PIP4K2A: variants seen among roughly 807,000 people sequenced by gnomAD.
The protein encoded by PIP4K2A is phosphatidylinositol 5-phosphate 4-kinase type-2 alpha.
In PIP4K2A, 14 loss-of-function variants were observed where a neutral mutation model predicts 42.9. The ratio of observed to expected loss-of-function variants is 0.33; its 90% CI spans 0.22 to 0.51. The LOEUF (loss-of-function observed/expected upper bound fraction) is 0.51, where lower values mean the gene tolerates loss of function less well. Ranked by LOEUF, PIP4K2A falls within the 20% of genes least tolerant of loss-of-function variation. The pLI is 0.97. For missense variants in PIP4K2A, 434 were observed against 519.8 expected, an observed-to-expected ratio of 0.83 and a Z score of 1.61; for synonymous variants, 192 against 192.2, an observed-to-expected ratio of 1.00 and a Z score of 0.01.
At chr10:22,629,867 G>A (rs1446836261) in intron 1 of PIP4K2A, among the ~76,000 whole-genome samples, 4 of 152,130 alleles carry the variant, frequency 2.6e-5, no homozygotes, top group African/African-American at 2.4e-5. Flanking sequence ...GAGTGAGCAG[G>A]GGAGCCCTCC....
At chr10:22,685,911 GTAATT>G (rs1183706378) in intron 1 of PIP4K2A, among the ~76,000 whole-genome samples, 1 of 152,140 alleles carries the variant, frequency 6.6e-6, no homozygotes, top group Non-Finnish European at 1.5e-5. Flanking sequence ...TTTGTTGTTT[GTAATT>G]TAATAACAAT....
At chr10:22,647,281 G>A (rs1838903916) in intron 1 of PIP4K2A, among the ~76,000 whole-genome samples, 2 of 152,004 alleles carry the variant, frequency 1.3e-5, no homozygotes, top group Admixed American at 1.3e-4. Context: ...AGTCTCATCA[G>A]ACAATTCAGT....
At chr10:22,649,486 C>A (rs1462214064) in intron 1 of PIP4K2A, among the ~76,000 whole-genome samples, 1 of 152,204 alleles carries the variant, frequency 6.6e-6, no homozygotes, top group Non-Finnish European at 1.5e-5. Context: ...ACCTAAGCGC[C>A]AAGTTGCACC....
intron 9 of PIP4K2A, chr10:22,539,679 T>C (rs1410729200): frequency 3.0e-6 from 1 of 335,222 alleles, no homozygotes; most frequent in Non-Finnish European, 5.5e-6. Flanking sequence ...GAGATGTTCA[T>C]GTTTAAGTGA....
At chr10:22,598,399 T>C (rs977602504) in intron 3 of PIP4K2A, among the ~76,000 whole-genome samples, 25 of 152,154 alleles carry the variant, frequency 1.6e-4, no homozygotes, top group Admixed American at 2.6e-4. Flanking sequence ...TCTGCACCTA[T>C]CAGTTCAAAA....
intron 6 of PIP4K2A, among the ~76,000 whole-genome samples, chr10:22,562,126 A>G (rs1159989460): frequency 6.6e-6 from 1 of 152,220 alleles, no homozygotes; most frequent in Admixed American, 6.5e-5. Context: ...TGTGAACACA[A>G]TGAATGGTAG....
rs539104256 is a variant in PIP4K2A at position 22,642,474 on chromosome 10, CTT to C, written c.145-32759_145-32758del. ...TATTAAGATAAATAATTAAACATAA[CTT>C]TACCACTTGCAACTTGAGAAATTTT... On this transcript the variant is annotated intron_variant, in intron 1 of 9. Coordinates refer to ENST00000376573, the MANE Select transcript of PIP4K2A (RefSeq NM_005028.5). Among the ~76,000 whole-genome samples the C allele has an allele frequency of 7.6e-3, 1,155 of 152,170 alleles. 5 individuals carry two copies. The highest frequency in any genetic ancestry group is 0.012 in the Non-Finnish European group (789 of 67,998).
intron 9 of PIP4K2A, 41 bp downstream of exon 9, chr10:22,539,930 A>G (rs1039303269): frequency 1.8e-5 from 18 of 993,596 alleles, no homozygotes; most frequent in African/African-American, 4.8e-5. Flanking sequence ...AGAGAGAGAG[A>G]GGGAGAGAAA....
intron 1 of PIP4K2A, among the ~76,000 whole-genome samples, chr10:22,669,521 TGAAA>T (rs1015561730): frequency 3.3e-5 from 5 of 151,576 alleles, no homozygotes; most frequent in Non-Finnish European, 7.4e-5. Context: ...AACCAAGCTA[TGAAA>T]GAAAGAAGGA....
intron 6 of PIP4K2A, among the ~76,000 whole-genome samples, chr10:22,567,138 T>C (rs777407377): frequency 6.6e-6 from 1 of 152,062 alleles, no homozygotes; most frequent in Non-Finnish European, 1.5e-5. Flanking sequence ...TAACTAAGAG[T>C]ATAGATGTAC....
chr10:22,543,003 A>G (rs1378051564), intron 7 of PIP4K2A, among the ~76,000 whole-genome samples: 1 of 152,164 alleles, frequency 6.6e-6, no homozygotes, highest in Non-Finnish European at 1.5e-5. Flanking sequence ...GGGAATGCAG[A>G]GTGGCTGAGC....
At chr10:22,690,871 GAAA>G (rs1839854462) in intron 1 of PIP4K2A, among the ~76,000 whole-genome samples, 1 of 152,100 alleles carries the variant, frequency 6.6e-6, no homozygotes, top group South Asian at 2.1e-4. Flanking sequence ...CTCTAAACAA[GAAA>G]AAAATTAACA....
intron 3 of PIP4K2A, among the ~76,000 whole-genome samples, chr10:22,598,933 T>G (rs1393314702): frequency 1.3e-5 from 2 of 152,214 alleles, no homozygotes; most frequent in Non-Finnish European, 2.9e-5. Flanking sequence ...TTTCTATACA[T>G]TTGATAGTTT....
At chr10:22,555,074 C>T (rs1053023851) in intron 6 of PIP4K2A, among the ~76,000 whole-genome samples, 7 of 152,238 alleles carry the variant, frequency 4.6e-5, no homozygotes, top group East Asian at 1.9e-4. Flanking sequence ...CCGTTCCCCC[C>T]GCAGCCTGGC....
intron 1 of PIP4K2A, among the ~76,000 whole-genome samples, chr10:22,674,966 G>A (rs1438207348): frequency 6.7e-6 from 1 of 149,216 alleles, no homozygotes; most frequent in Non-Finnish European, 1.5e-5. Flanking sequence ...GTAGGATTCT[G>A]TCTTTAAAAA....
intron 1 of PIP4K2A, among the ~76,000 whole-genome samples, chr10:22,617,094 C>T (rs192644019): frequency 2.0e-4 from 30 of 152,358 alleles, no homozygotes; most frequent in Admixed American, 7.2e-4. Flanking sequence ...CTTGATTCCT[C>T]TCCTGAGCAA....
chr10:22,596,044 A>T (rs1333075297), intron 3 of PIP4K2A, among the ~76,000 whole-genome samples: 3 of 151,596 alleles, frequency 2.0e-5, no homozygotes, highest in African/African-American at 7.3e-5. Flanking sequence ...CGTCTCTACT[A>T]AAAATACAAA....
intron 1 of PIP4K2A, among the ~76,000 whole-genome samples, chr10:22,623,582 G>C (rs1588670675): frequency 6.6e-6 from 1 of 152,034 alleles, no homozygotes; most frequent in Non-Finnish European, 1.5e-5. Flanking sequence ...GTACCCCCAG[G>C]AACAGTAGGA....
chr10:22,566,632 C>T (rs1289454285), intron 6 of PIP4K2A, among the ~76,000 whole-genome samples: 1 of 152,168 alleles, frequency 6.6e-6, no homozygotes, highest in African/African-American at 2.4e-5. Flanking sequence ...GGCTTCCTTC[C>T]CTCTGTGGCT....
Sources: allele counts gnomAD v4.1 joint callset (sites outside exome capture counted in the v4.1 genomes callset), GRCh38; gene constraint gnomAD v4.1.1; transcripts MANE v1.5; gene names NCBI Gene and HGNC (gene_info 2026-07-23, HGNC 2026-07-21).